PRKAR1B: variants seen among roughly 807,000 people sequenced by gnomAD.
PRKAR1B encodes protein kinase cAMP-dependent type I regulatory subunit beta.
In PRKAR1B, 22 loss-of-function variants were observed where a neutral mutation model predicts 46.5. That is an observed-to-expected ratio of 0.47 (90% CI 0.34 to 0.68). PRKAR1B has a LOEUF of 0.68. Among genes scored for constraint, PRKAR1B ranks in the 30% least tolerant of loss-of-function variants. The pLI is 0.01. For synonymous variants in PRKAR1B, 259 were observed against 217.7 expected (o/e 1.19, Z -1.67); for missense variants, 445 against 535.6 (o/e 0.83, Z 1.67).
intron 2 of PRKAR1B, among the ~76,000 whole-genome samples, chr7:681,675 G>A (rs1583410750): frequency 6.6e-6 from 1 of 152,138 alleles, no homozygotes; most frequent in Non-Finnish European, 1.5e-5. Context: ...TTGCTCCGAA[G>A]CCCACCCTGC....
At chr7:653,962 C>A (rs1785049505) in intron 4 of PRKAR1B, among the ~76,000 whole-genome samples, 1 of 151,726 alleles carries the variant, frequency 6.6e-6, no homozygotes, top group Admixed American at 6.6e-5. Flanking sequence ...TCATCACCAT[C>A]ATCATCCCTT....
At chr7:599,302 CTT>C (rs766317605) in intron 6 of PRKAR1B, among the ~76,000 whole-genome samples, 3 of 138,770 alleles carry the variant, frequency 2.2e-5, no homozygotes, top group Non-Finnish European at 1.6e-5. Flanking sequence ...TGTTTTCTCT[CTT>C]TTTTTTTTTT....
At chr7:677,384 A>G in intron 3 of PRKAR1B, 64 bp from the exon 4 acceptor site, 13 of 1,395,694 alleles carry the variant, frequency 9.3e-6, no homozygotes, top group Non-Finnish European at 1.2e-5. Flanking sequence ...CGCGGCCTGA[A>G]ATCTCCCTAC....
intron 2 of PRKAR1B, among the ~76,000 whole-genome samples, chr7:688,195 G>C (rs1779205207): frequency 6.6e-6 from 1 of 151,644 alleles, no homozygotes; most frequent in Admixed American, 6.6e-5. Flanking sequence ...GAGGTCAGGA[G>C]TTCGAGACCA....
chr7:550,671 T>C, intron 10 of PRKAR1B, 69 bp from the exon 11 acceptor site: 1 of 1,346,478 alleles, frequency 7.4e-7, no homozygotes, highest in Non-Finnish European at 9.9e-7. Context: ...AAAGATTATG[T>C]CCAGGACCCT....
intron 4 of PRKAR1B, among the ~76,000 whole-genome samples, chr7:663,027 C>T (rs1028766893): frequency 6.6e-6 from 1 of 152,088 alleles, no homozygotes; most frequent in Non-Finnish European, 1.5e-5. Flanking sequence ...TGAAAGAGGC[C>T]CCAAGACACT....
At chr7:703,129 T>C (rs960043883) in intron 2 of PRKAR1B, among the ~76,000 whole-genome samples, 1 of 152,108 alleles carries the variant, frequency 6.6e-6, no homozygotes, top group Non-Finnish European at 1.5e-5. Flanking sequence ...TAAAGCAGAC[T>C]TCAGAACAAT....
At chr7:628,555 G>A (rs1013445304) in intron 4 of PRKAR1B, among the ~76,000 whole-genome samples, 11 of 152,344 alleles carry the variant, frequency 7.2e-5, no homozygotes, top group East Asian at 3.9e-4. Flanking sequence ...AGCAAAGGCC[G>A]GCAGGGGCTC....
At chr7:670,984 G>A (rs942757995) in intron 4 of PRKAR1B, among the ~76,000 whole-genome samples, 2 of 152,196 alleles carry the variant, frequency 1.3e-5, no homozygotes, top group African/African-American at 2.4e-5. Context: ...GAGCTTTCCC[G>A]ACCTCGGCGC....
chr7:728,832 G>A (rs1781457793), upstream of PRKAR1B, among the ~76,000 whole-genome samples: 1 of 152,054 alleles, frequency 6.6e-6, no homozygotes, highest in South Asian at 2.1e-4. Flanking sequence ...CCTCTCCCCT[G>A]GGTGGGGGGC....
At chr7:672,663 T>A (rs1786327705) in intron 4 of PRKAR1B, among the ~76,000 whole-genome samples, 1 of 150,936 alleles carries the variant, frequency 6.6e-6, no homozygotes, top group Non-Finnish European at 1.5e-5. Flanking sequence ...AGGTCAGGAG[T>A]TCGAGACCAG....
chr7:558,331 A>AC lies in PRKAR1B; in HGVS notation c.892-6862_892-6861insG, dbSNP rs1778578767. On this transcript the variant is annotated intron_variant, in intron 9 of 10. Transcript: ENST00000537384. ...ACAGAGCGAGACCCTGTCTCAGGAAAAAAAAAAAAAAAAAAAGGAAGGAGG... is the reference window on the plus strand; with the variant it reads ...ACAGAGCGAGACCCTGTCTCAGGAAACAAAAAAAAAAAAAAAAGGAAGGAGG... 2.0e-5 allele frequency among the ~76,000 whole-genome samples: 3 copies of AC among 150,588 alleles called. No individual in the cohort carries two copies. In the South Asian group the frequency reaches 6.3e-4, roughly 32 times the overall value.
intron 3 of PRKAR1B, among the ~76,000 whole-genome samples, chr7:678,740 G>A (rs1382311591): frequency 1.3e-5 from 2 of 152,234 alleles, no homozygotes; most frequent in African/African-American, 2.4e-5. Flanking sequence ...GTCTTTGAGA[G>A]ACAGCAATGA....
chr7:637,663 G>A (rs749576544), intron 4 of PRKAR1B, among the ~76,000 whole-genome samples: 86 of 151,784 alleles, frequency 5.7e-4, no homozygotes, highest in Non-Finnish European at 1.1e-3. Context: ...GTGAAACTCC[G>A]TCTCTACTAA....
chr7:683,789 G>T (rs1311237590), intron 2 of PRKAR1B, among the ~76,000 whole-genome samples: 1 of 152,180 alleles, frequency 6.6e-6, no homozygotes, highest in Non-Finnish European at 1.5e-5. Context: ...CGGAAGGGCA[G>T]CCTGGAGAGC....
At position 614,503 on chromosome 7, in the gene PRKAR1B, C is replaced by T. The variant is rs572545693; in HGVS notation, c.441-7051G>A. Among the ~76,000 whole-genome samples the T allele has an allele frequency of 7.2e-5, 11 of 152,296 alleles. 1 individual carries two copies. The highest frequency in any genetic ancestry group is 6.2e-4 in the South Asian group (3 of 4,816). On this transcript the variant is annotated intron_variant, in intron 4 of 10. Coordinates refer to ENST00000537384, the MANE Select transcript of PRKAR1B (RefSeq NM_001164760.2). ...TGGTGGGTGGCTCATGCCTGTCATC[C>T]CAGCACTTTGGGAGACCGGGCACCA...
At chr7:552,334 G>C (rs1482514133) in intron 9 of PRKAR1B, among the ~76,000 whole-genome samples, 8 of 105,968 alleles carry the variant, frequency 7.5e-5, no homozygotes. Flanking sequence ...TTCCCGCAGA[G>C]CCACTGCCAC....
chr7:549,892 GGGGTGCA>G lies in PRKAR1B; in HGVS notation c.*531_*537del. 6.5e-6 allele frequency: 1 copy of G among 154,094 alleles called. No homozygotes were observed. Among genetic ancestry groups the G allele is most frequent in the Admixed American group, 6.4e-5 (1 of 15,652 alleles). The allele number at this position is 154,094 out of a possible 1,614,324, so 9.5% of individuals were successfully genotyped here. A position where few individuals can be genotyped will look rare whatever the true frequency, so the allele number is the denominator to read the frequency against. The stretch of plus-strand genomic sequence containing the variant: ...CCCCCGGGGGAGGTGGGGGTGCGGC[GGGGTGCA>G]GTGGCGCGGGCAGGGGTACACATTT... On this transcript the variant is annotated 3_prime_UTR_variant, in exon 11 of 11. Transcript: ENST00000537384.
intron 2 of PRKAR1B, among the ~76,000 whole-genome samples, chr7:706,422 A>ATTTCTTTTTTTTTT (rs1780326462): frequency 9.8e-6 from 1 of 102,298 alleles, no homozygotes; most frequent in Non-Finnish European, 1.9e-5. Context: ...CAAATAAGGA[A>ATTTCTTTTTTTTTT]TTTTTTTTTT....
Sources: allele counts gnomAD v4.1 joint callset (sites outside exome capture counted in the v4.1 genomes callset), GRCh38; gene constraint gnomAD v4.1.1; transcripts MANE v1.5; gene names NCBI Gene and HGNC (gene_info 2026-07-23, HGNC 2026-07-21).